Variants in PNPLA7 observed in about 807,000 individuals in gnomAD.
PNPLA7 encodes the protein patatin-like phospholipase domain-containing protein 7.
PNPLA7 carries 153 observed loss-of-function variants against 161.7 expected under a neutral mutation model. The ratio of observed to expected loss-of-function variants is 0.95; its 90% CI spans 0.83 to 1.08. The LOEUF is 1.08. Ranked by LOEUF, PNPLA7 falls within the 50% of genes least tolerant of loss-of-function variation. PNPLA7 has a pLI of 0.00. For missense variants in PNPLA7, 1,739 were observed against 1,856.6 expected (o/e 0.94, Z 1.16); for synonymous variants, 809 against 782.1 (o/e 1.03, Z -0.57).
intron 11 of PNPLA7, among the ~76,000 whole-genome samples, chr9:137,518,258 T>G (rs1184213522): frequency 2.3e-5 from 2 of 85,370 alleles, no homozygotes. Context: ...CCATCCCTCA[T>G]TCACTCACTC....
chr9:137,515,501 G>C lies in PNPLA7; in HGVS notation c.1103C>G (p.Pro368Arg). 2 of 1,560,876 alleles carry C rather than the reference G, an allele frequency of 1.3e-6. No individual in the cohort carries two copies. Among genetic ancestry groups the C allele is most frequent in the East Asian group, 2.3e-5 (1 of 43,378 alleles). Residue 368 changes from proline to arginine, a missense_variant, in exon 12 of 35, where the codon CCG becomes CGG. Transcript: ENST00000406427. ...SCDSDHGGGR[P>R]AAAGPLLKRS... ...CTTCAGCAGGGGCCCAGCAGCTGCC[G>C]GGCGGCCGCCCCCGTGATCTGCTGG... is the stretch of plus-strand genomic sequence containing the variant.
chr9:137,549,337 G>T (rs964543381), intron 1 of PNPLA7, among the ~76,000 whole-genome samples: 6 of 152,186 alleles, frequency 3.9e-5, no homozygotes, highest in African/African-American at 1.4e-4. Context: ...GGAGGCCAAG[G>T]CGGGCGGATC....
chr9:137,540,750 G>A lies in PNPLA7; in HGVS notation c.667-28C>T, dbSNP rs767795568. Reference sequence around the variant, plus strand: ...GCGCTTGGAGAGCAGAGTGGGTGCCGTCAGGTCTGGGGCTGCGACCGCGGG... The same window carrying A: ...GCGCTTGGAGAGCAGAGTGGGTGCCATCAGGTCTGGGGCTGCGACCGCGGG... On this transcript the variant is annotated intron_variant, in intron 7 of 34. Coordinates refer to ENST00000406427, the MANE Select transcript of PNPLA7 (RefSeq NM_001098537.3). This position sits in a 1 kb window ranked among gnomAD's most constrained non-coding sequence, Gnocchi z 5.1. 35 of 1,593,694 alleles carry A rather than the reference G, an allele frequency of 2.2e-5. No homozygotes were observed. Among genetic ancestry groups the A allele is most frequent in the Non-Finnish European group, 2.9e-5 (34 of 1,169,864 alleles).
At chr9:137,489,264 C>T (rs1832654447) in intron 20 of PNPLA7, among the ~76,000 whole-genome samples, 2 of 152,244 alleles carry the variant, frequency 1.3e-5, no homozygotes, top group Admixed American at 1.3e-4. Flanking sequence ...CACACTGGGC[C>T]TGGGCAGCAC....
intron 14 of PNPLA7, among the ~76,000 whole-genome samples, chr9:137,502,451 C>T (rs575453617): frequency 3.0e-4 from 45 of 150,610 alleles, no homozygotes; most frequent in Non-Finnish European, 5.6e-4. Context: ...AATGACATCA[C>T]ATGTCGCCAA....
chr9:137,542,530 A>G, intron 7 of PNPLA7, 112 bp downstream of exon 7: 1 of 1,237,516 alleles, frequency 8.1e-7, no homozygotes, highest in East Asian at 2.7e-5. Flanking sequence ...CAAAGAAATT[A>G]AAATCAAAAT....
intron 8 of PNPLA7, among the ~76,000 whole-genome samples, chr9:137,539,381 C>T (rs931690452): frequency 2.6e-5 from 4 of 151,944 alleles, no homozygotes; most frequent in African/African-American, 9.7e-5. Context: ...AAAAAAACTT[C>T]TAGTTAATGG....
intron 12 of PNPLA7, among the ~76,000 whole-genome samples, chr9:137,511,646 G>A (rs1212150831): frequency 1.3e-5 from 2 of 152,220 alleles, no homozygotes; most frequent in African/African-American, 2.4e-5. Flanking sequence ...TTCTTGTGGG[G>A]GGCCTGACAT....
At chr9:137,489,105 C>T (rs1456175937) in intron 20 of PNPLA7, among the ~76,000 whole-genome samples, 3 of 152,064 alleles carry the variant, frequency 2.0e-5, no homozygotes, top group African/African-American at 7.2e-5. Context: ...CCCAACTGTG[C>T]ACCCCTGCAG....
chr9:137,478,422 G>C (rs57771982), intron 24 of PNPLA7: 1 of 338,438 alleles, frequency 3.0e-6, no homozygotes, highest in East Asian at 4.4e-5. Flanking sequence ...CAGAGAGTGG[G>C]CCCGGGTGGG....
At position 137,464,523 on chromosome 9, in the gene PNPLA7, G is replaced by A. The variant is rs544098534; in HGVS notation, c.3040-67C>T. ...CTGCGGGCTGCCACAGCAGACACGTGGCGTGCTGAGGGCCTCTCATGAATG... is the reference window on the plus strand; with the variant it reads ...CTGCGGGCTGCCACAGCAGACACGTAGCGTGCTGAGGGCCTCTCATGAATG... On this transcript the variant is annotated intron_variant, in intron 26 of 34. Coordinates refer to ENST00000406427, the MANE Select transcript of PNPLA7 (RefSeq NM_001098537.3). The A allele has an allele frequency of 4.1e-5, 57 of 1,377,904 alleles. No individual in the cohort carries two copies. In the African/African-American group the frequency reaches 7.4e-4, roughly 18 times the overall value. 85.4% of individuals were successfully genotyped at this position (1,377,904 alleles called of 1,614,324 possible).
rs1020614759 is a variant in PNPLA7 at position 137,498,019 on chromosome 9, G to A, written c.1889+95C>T. The A allele has an allele frequency of 2.0e-5, 31 of 1,528,454 alleles. 1 individual carries two copies. The highest frequency in any genetic ancestry group is 1.1e-4 in the Admixed American group (6 of 56,528). The allele number at this position is 1,528,454 out of a possible 1,614,324, so 94.7% of individuals were successfully genotyped here. ...ATGTGTGGTTTCCACAGTAACTTCC[G>A]TGTGTGGTTTCCACGGTAACCGTGC... On this transcript the variant is annotated intron_variant, in intron 17 of 34. Transcript: ENST00000406427.
intron 8 of PNPLA7, among the ~76,000 whole-genome samples, chr9:137,538,139 C>T (rs946428518): frequency 6.6e-6 from 1 of 152,190 alleles, no homozygotes; most frequent in African/African-American, 2.4e-5. Context: ...GCTGGGGGCT[C>T]CCTCGAAGAT....
intron 25 of PNPLA7, among the ~76,000 whole-genome samples, chr9:137,470,742 A>C (rs1831668011): frequency 6.6e-6 from 1 of 152,224 alleles, no homozygotes; most frequent in Non-Finnish European, 1.5e-5. Context: ...TACAAACAGG[A>C]TAACTTTAAC....
chr9:137,479,705 G>T, intron 23 of PNPLA7: 1 of 985,446 alleles, frequency 1.0e-6, no homozygotes, highest in Non-Finnish European at 1.2e-6. Context: ...CAGGAAGCTG[G>T]AGAACACGAA....
chr9:137,543,652 A>G lies in PNPLA7; in HGVS notation c.365+72T>C. The G allele has an allele frequency of 1.9e-6, 3 of 1,610,430 alleles. No individual in the cohort carries two copies. The South Asian group carries it at 3.3e-5, about 18-fold the overall frequency. ...AGCATCAGTGGCTGACACACCAGGC[A>G]GCTCAGGGTTGGGGAGGCCAGCACC... On this transcript the variant is annotated intron_variant, in intron 5 of 34. Transcript: ENST00000406427. The surrounding 1 kb of genome is among the most constrained non-coding windows in gnomAD (Gnocchi z 6.9).
intron 20 of PNPLA7, 130 bp from the exon 21 acceptor site, chr9:137,484,866 TCC>T: frequency 1.8e-6 from 2 of 1,136,580 alleles, no homozygotes; most frequent in Non-Finnish European, 2.4e-6. Flanking sequence ...CCCTCCCGCC[TCC>T]CCAGTCCTGA....
Position 137,535,822 on chromosome 9 carries a change from G to A in PNPLA7, c.747+4820C>T, listed in dbSNP as rs1226994542. ...ATATGACAGAAATTAAAAATTCAATGGAAGATTTGGAAAATAAAGTTGAAA... is the reference window on the plus strand; with the variant it reads ...ATATGACAGAAATTAAAAATTCAATAGAAGATTTGGAAAATAAAGTTGAAA... On this transcript the variant is annotated intron_variant, in intron 8 of 34. Transcript: ENST00000406427. 2.6e-5 allele frequency among the ~76,000 whole-genome samples: 4 copies of A among 151,098 alleles called. No homozygotes were observed. In the East Asian group the frequency reaches 7.9e-4, roughly 30 times the overall value.
At chr9:137,466,265 A>C (rs747945595) in intron 26 of PNPLA7, among the ~76,000 whole-genome samples, 5 of 152,058 alleles carry the variant, frequency 3.3e-5, no homozygotes, top group Admixed American at 1.3e-4. Context: ...TCTTTTCCAC[A>C]ATCCTGGCAT....
Sources: allele counts gnomAD v4.1 joint callset (sites outside exome capture counted in the v4.1 genomes callset), GRCh38; gene constraint gnomAD v4.1.1; non-coding constraint Gnocchi (gnomAD v3.1); transcripts MANE v1.5; gene names NCBI Gene and HGNC (gene_info 2026-07-23, HGNC 2026-07-21).